Variants in STXBP5L observed in about 807,000 individuals in gnomAD.
STXBP5L encodes the protein syntaxin binding protein 5L, also known as syntaxin-binding protein 5-like.
In STXBP5L, 65 loss-of-function variants were observed where a neutral mutation model predicts 144.5. That is an observed-to-expected ratio of 0.45 (90% CI 0.37 to 0.55). STXBP5L has a LOEUF of 0.55. Among genes scored for constraint, STXBP5L ranks in the 20% least tolerant of loss-of-function variants. The pLI, the probability that STXBP5L is intolerant of heterozygous loss-of-function variation, is 0.00. For missense variants in STXBP5L, 1,298 were observed against 1,405.5 expected, an observed-to-expected ratio of 0.92 and a Z score of 1.22; for synonymous variants, 505 against 469.6, an observed-to-expected ratio of 1.08 and a Z score of -0.97.
intron 3 of STXBP5L, among the ~76,000 whole-genome samples, chr3:121,010,496 A>G (rs1378226012): frequency 2.0e-5 from 3 of 151,420 alleles, no homozygotes; most frequent in African/African-American, 2.4e-5. Context: ...CCTACCATCA[A>G]TCCTGGCAAG....
intron 3 of STXBP5L, among the ~76,000 whole-genome samples, chr3:121,000,088 G>A (rs562966646): frequency 2.0e-5 from 3 of 152,006 alleles, no homozygotes; most frequent in African/African-American, 7.2e-5. Flanking sequence ...TGTGTGTTTT[G>A]GGGGTGGTCA....
At chr3:121,165,445 T>C (rs2046465307) in intron 9 of STXBP5L, among the ~76,000 whole-genome samples, 1 of 152,208 alleles carries the variant, frequency 6.6e-6, no homozygotes, top group Admixed American at 6.5e-5. Flanking sequence ...TCTTTTGTGG[T>C]GATTCATCCT....
At chr3:121,025,113 C>T (rs1945835266) in intron 3 of STXBP5L, among the ~76,000 whole-genome samples, 3 of 152,046 alleles carry the variant, frequency 2.0e-5, no homozygotes, top group Admixed American at 1.3e-4. Flanking sequence ...GGTAACCACC[C>T]AACTCAATTA....
intron 5 of STXBP5L, among the ~76,000 whole-genome samples, chr3:121,081,657 C>T (rs1169031460): frequency 6.6e-6 from 1 of 152,136 alleles, no homozygotes; most frequent in Non-Finnish European, 1.5e-5. Context: ...ATTTTATTTA[C>T]TGAATTGGTG....
intron 15 of STXBP5L, among the ~76,000 whole-genome samples, chr3:121,254,259 A>C (rs2108373012): frequency 6.6e-6 from 1 of 152,272 alleles, no homozygotes; most frequent in Non-Finnish European, 1.5e-5. Flanking sequence ...CAATGGAAAA[A>C]TATTCCCCCA....
chr3:120,938,506 AG>A (rs1171980300), intron 2 of STXBP5L, among the ~76,000 whole-genome samples: 1 of 152,168 alleles, frequency 6.6e-6, no homozygotes, highest in Non-Finnish European at 1.5e-5. Flanking sequence ...TCCCACTGAA[AG>A]GTTGTACAGG....
chr3:121,163,835 C>T (rs185164628), intron 9 of STXBP5L, among the ~76,000 whole-genome samples: 2 of 150,916 alleles, frequency 1.3e-5, no homozygotes, highest in Admixed American at 1.3e-4. Context: ...CTAAAGACTC[C>T]AAAAGAGAAT....
At chr3:121,106,482 G>A (rs1312502116) in intron 5 of STXBP5L, among the ~76,000 whole-genome samples, 1 of 152,132 alleles carries the variant, frequency 6.6e-6, no homozygotes, top group Non-Finnish European at 1.5e-5. Context: ...CTTAATAAGT[G>A]AGAACATGCG....
chr3:121,359,008 G>A (rs990503806), intron 20 of STXBP5L, among the ~76,000 whole-genome samples: 2 of 151,928 alleles, frequency 1.3e-5, no homozygotes, highest in Non-Finnish European at 1.5e-5. Flanking sequence ...ATAGTAAGTA[G>A]CTCAGTTTTT....
At chr3:121,103,310 T>C (rs887014029) in intron 5 of STXBP5L, among the ~76,000 whole-genome samples, 1 of 152,084 alleles carries the variant, frequency 6.6e-6, no homozygotes, top group Non-Finnish European at 1.5e-5. Flanking sequence ...TGACAGTGGA[T>C]TGGAGGAAGA....
At chr3:121,036,316 C>A (rs1272022037) in intron 3 of STXBP5L, among the ~76,000 whole-genome samples, 2 of 151,994 alleles carry the variant, frequency 1.3e-5, no homozygotes, top group Non-Finnish European at 2.9e-5. Flanking sequence ...CTGGGCAACA[C>A]GAGTGAGACT....
chr3:121,018,761 C>A (rs1229898926), intron 3 of STXBP5L, among the ~76,000 whole-genome samples: 2 of 152,164 alleles, frequency 1.3e-5, no homozygotes, highest in African/African-American at 2.4e-5. Context: ...GGAGGCGGAA[C>A]TAACTTGCAG....
intron 5 of STXBP5L, among the ~76,000 whole-genome samples, chr3:121,113,765 T>C (rs2044110448): frequency 6.8e-6 from 1 of 147,440 alleles, no homozygotes; most frequent in Admixed American, 7.2e-5. Flanking sequence ...CCCTATCTCC[T>C]GGGTTCAAGT....
chr3:121,041,693 A>G lies in STXBP5L; in HGVS notation c.288-7A>G, dbSNP rs769818671. The G allele has an allele frequency of 1.0e-5, 16 of 1,607,326 alleles. No individual in the cohort carries two copies. Among genetic ancestry groups the G allele is most frequent in the East Asian group, 2.2e-5 (1 of 44,690 alleles). ...AATGTTAGAATCCTTGACTTTTATT[A>G]TATTAGACTCGGGAGACCTGGTGTT... is the stretch of plus-strand genomic sequence containing the variant. On this transcript the variant is annotated splice_polypyrimidine_tract_variant and splice_region_variant and intron_variant, in intron 3 of 26. Coordinates refer to ENST00000471454, the MANE Select transcript of STXBP5L (RefSeq NM_001308330.2).
chr3:121,079,818 T>C (rs1177657835), intron 5 of STXBP5L, among the ~76,000 whole-genome samples: 1 of 152,236 alleles, frequency 6.6e-6, no homozygotes, highest in East Asian at 1.9e-4. Context: ...AAGAATGTTC[T>C]GTTAATATCT....
chr3:121,287,828 CAAA>C (rs1386009103), intron 19 of STXBP5L, among the ~76,000 whole-genome samples: 1 of 149,734 alleles, frequency 6.7e-6, no homozygotes, highest in Admixed American at 6.7e-5. Flanking sequence ...GACTCCATCT[CAAA>C]AAAAAAGAAA....
chr3:121,372,854 G>T (rs1452885697), intron 20 of STXBP5L, among the ~76,000 whole-genome samples: 1 of 151,974 alleles, frequency 6.6e-6, no homozygotes, highest in African/African-American at 2.4e-5. Flanking sequence ...ATTGCAGAAG[G>T]ATACTGAAAG....
rs1465651038 is a variant in STXBP5L, at chr3:121,193,356, AC to A, written c.878-12566del. 1.2e-4 allele frequency among the ~76,000 whole-genome samples: 17 copies of A among 142,802 alleles called. 2 individuals carry two copies. The highest frequency in any genetic ancestry group is 1.2e-3 in the Admixed American group (17 of 14,462). The allele number at this position is 142,802 out of a possible 152,430, so 93.7% of individuals were successfully genotyped here. A position where few individuals can be genotyped will look rare whatever the true frequency, so the allele number is the denominator to read the frequency against. ...GGAAAGGATGTGGAGAAATAGGAGCACTTTTACACTGTTAGTGGGAGTTTAA... is the reference window on the plus strand; with the variant it reads ...GGAAAGGATGTGGAGAAATAGGAGCATTTTACACTGTTAGTGGGAGTTTAA... On this transcript the variant is annotated intron_variant, in intron 9 of 26. Coordinates refer to ENST00000471454, the MANE Select transcript of STXBP5L (RefSeq NM_001308330.2).
intron 7 of STXBP5L, among the ~76,000 whole-genome samples, chr3:121,138,371 A>G (rs1042054837): frequency 1.3e-5 from 2 of 152,124 alleles, no homozygotes; most frequent in Non-Finnish European, 2.9e-5. Context: ...TTCTATCAAA[A>G]TACCAATACC....
Sources: allele counts gnomAD v4.1 joint callset (sites outside exome capture counted in the v4.1 genomes callset), GRCh38; gene constraint gnomAD v4.1.1; transcripts MANE v1.5; gene names NCBI Gene and HGNC (gene_info 2026-07-23, HGNC 2026-07-21).